RAB38: variants seen among roughly 807,000 people sequenced by gnomAD.
RAB38 encodes RAB38, member RAS oncogene family, also known as ras-related protein Rab-38.
In RAB38, 15 loss-of-function variants were observed where a neutral mutation model predicts 18.4. The ratio of observed to expected loss-of-function variants is 0.82; its 90% CI spans 0.55 to 1.26. The LOEUF is 1.26. Ranked by LOEUF, RAB38 falls within the 50% of genes most tolerant of loss-of-function variation. The pLI is 0.00. For missense variants in RAB38, 294 were observed against 267.4 expected (o/e 1.10, Z -0.69); for synonymous variants, 101 against 104.4 (o/e 0.97, Z 0.20).
the RAB38 span, among the ~76,000 whole-genome samples, chr11:88,047,087 A>G: frequency 9.9e-5 from 15 of 152,110 alleles, no homozygotes; most frequent in African/African-American, 3.6e-4. Context: ...AAAATCACAA[A>G]CTGTGCTCAA....
chr11:88,019,451 G>A, the RAB38 span, among the ~76,000 whole-genome samples: 5 of 152,156 alleles, frequency 3.3e-5, no homozygotes, highest in East Asian at 1.9e-4. Flanking sequence ...CAGGACCCCT[G>A]CAACTTGCAA....
the RAB38 span, among the ~76,000 whole-genome samples, chr11:87,886,233 G>A: frequency 6.6e-6 from 1 of 151,744 alleles, no homozygotes; most frequent in Non-Finnish European, 1.5e-5. Context: ...CTTTGACTCC[G>A]CCGGACTTTG....
At chr11:87,906,662 T>G in the RAB38 span, among the ~76,000 whole-genome samples, 1 of 151,966 alleles carries the variant, frequency 6.6e-6, no homozygotes, top group Non-Finnish European at 1.5e-5. Flanking sequence ...ATTATCTGCC[T>G]ATCACCTCAG....
chr11:88,039,722 T>C, the RAB38 span, among the ~76,000 whole-genome samples: 1 of 152,300 alleles, frequency 6.6e-6, no homozygotes, highest in South Asian at 2.1e-4. Context: ...AGAATGGGCA[T>C]GTGGCTGACA....
chr11:88,062,590 C>T, the RAB38 span, among the ~76,000 whole-genome samples: 1 of 152,148 alleles, frequency 6.6e-6, no homozygotes, highest in African/African-American at 2.4e-5. Context: ...AAAGGTAGCA[C>T]TTGTTTTTTC....
the RAB38 span, among the ~76,000 whole-genome samples, chr11:87,863,589 G>A: frequency 6.6e-6 from 1 of 151,712 alleles, no homozygotes; most frequent in African/African-American, 2.4e-5. Context: ...GCATGATAGT[G>A]TAAATAAGAC....
rs1179265010 is a variant in RAB38, at chr11:88,161,464, CTTA to C, written c.203-11512_203-11510del. Among the ~76,000 whole-genome samples, 3 of 152,184 alleles carry C rather than the reference CTTA, an allele frequency of 2.0e-5. No homozygotes were observed. In the East Asian group the frequency reaches 5.8e-4, roughly 29 times the overall value. On this transcript the variant is annotated intron_variant, in intron 1 of 2. Coordinates refer to ENST00000243662, the MANE Select transcript of RAB38 (RefSeq NM_022337.3). Reference sequence around the variant, plus strand: ...TTTTAAAATTTCTACACCACTGACACTTATTATGCTGTGCATTCATGCTTGGAT... The same window carrying C: ...TTTTAAAATTTCTACACCACTGACACTTATGCTGTGCATTCATGCTTGGAT...
the RAB38 span, among the ~76,000 whole-genome samples, chr11:88,018,822 ATT>A: frequency 6.6e-6 from 1 of 152,136 alleles, no homozygotes. Context: ...TTAAATTGTT[ATT>A]GTTTATTTAA....
the RAB38 span, chr11:87,816,407 T>A: frequency 6.6e-6 from 1 of 152,326 alleles, no homozygotes; most frequent in African/African-American, 2.4e-5. Flanking sequence ...GGAGGTATAA[T>A]GGTTGATTGG....
the RAB38 span, among the ~76,000 whole-genome samples, chr11:87,866,458 A>G: frequency 1.3e-5 from 2 of 151,654 alleles, no homozygotes; most frequent in South Asian, 4.2e-4. Context: ...AAATAAGTCA[A>G]TCCTACTTTG....
At chr11:87,840,319 A>T in the RAB38 span, among the ~76,000 whole-genome samples, 1 of 152,226 alleles carries the variant, frequency 6.6e-6, no homozygotes, top group South Asian at 2.1e-4. Context: ...ATGGGAAGTC[A>T]TGATGGGTCT....
chr11:88,072,581 T>A, the RAB38 span, among the ~76,000 whole-genome samples: 2 of 152,018 alleles, frequency 1.3e-5, no homozygotes. Flanking sequence ...GTTTCAAGAA[T>A]CTCTGAGAGC....
At chr11:88,105,067 C>G in the RAB38 span, among the ~76,000 whole-genome samples, 1 of 151,852 alleles carries the variant, frequency 6.6e-6, no homozygotes, top group Non-Finnish European at 1.5e-5. Flanking sequence ...TAATATTTAC[C>G]TCCTGATTCT....
the RAB38 span, among the ~76,000 whole-genome samples, chr11:87,954,091 T>C: frequency 3.1e-4 from 47 of 152,024 alleles, no homozygotes; most frequent in African/African-American, 1.1e-3. Context: ...TTCATGTAAA[T>C]GTGCACACAA....
chr11:87,813,803 G>A, the RAB38 span, among the ~76,000 whole-genome samples: 1 of 152,130 alleles, frequency 6.6e-6, no homozygotes, highest in South Asian at 2.1e-4. Flanking sequence ...TCGTATGACG[G>A]TGGTGGCTGG....
At chr11:88,016,017 T>C in the RAB38 span, among the ~76,000 whole-genome samples, 1 of 152,108 alleles carries the variant, frequency 6.6e-6, no homozygotes, top group African/African-American at 2.4e-5. Context: ...ATTTCGGCAA[T>C]GTGCAATCTC....
At chr11:87,928,465 A>G in the RAB38 span, among the ~76,000 whole-genome samples, 2 of 152,070 alleles carry the variant, frequency 1.3e-5, no homozygotes, top group Non-Finnish European at 2.9e-5. Flanking sequence ...TATGATTTTC[A>G]TAACTATTAA....
the RAB38 span, among the ~76,000 whole-genome samples, chr11:88,090,015 T>A: frequency 2.0e-5 from 3 of 151,834 alleles, no homozygotes; most frequent in Admixed American, 2.0e-4. Context: ...ATAAAGAGAC[T>A]CTGGAGAGGG....
the RAB38 span, among the ~76,000 whole-genome samples, chr11:88,048,432 G>A: frequency 6.6e-6 from 1 of 152,026 alleles, no homozygotes; most frequent in Non-Finnish European, 1.5e-5. Context: ...CAATCTTCAG[G>A]AAAGGCAGAA....
Sources: gnomAD v4.1 joint callset for allele counts (sites outside exome capture counted in the v4.1 genomes callset) on GRCh38, gnomAD v4.1.1 for gene constraint, MANE v1.5 for transcripts, NCBI Gene and HGNC (gene_info 2026-07-23, HGNC 2026-07-21) for gene names.